Variants in ADGRG2 observed in about 807,000 individuals in gnomAD.
ADGRG2 encodes the protein adhesion G protein-coupled receptor G2, also known as G protein-coupled receptor 64.
ADGRG2 carries 26 observed loss-of-function variants against 74.1 expected under a neutral mutation model. The ratio of observed to expected loss-of-function variants is 0.35; its 90% CI spans 0.26 to 0.49. The LOEUF is 0.49. Ranked by LOEUF, ADGRG2 falls within the 20% of genes least tolerant of loss-of-function variation. The pLI is 0.99. For synonymous variants in ADGRG2, 296 were observed against 295.2 expected (o/e 1.00, Z -0.03); for missense variants, 619 against 763.1 (o/e 0.81, Z 2.22).
At chrX:19,107,270 C>A (rs143572435) in intron 1 of ADGRG2, among the ~76,000 whole-genome samples, 4,834 of 112,157 alleles carry the variant, frequency 0.043, 240 homozygotes, top group African/African-American at 0.15. Context: ...ATTTGAAAGG[C>A]ACTGCTGTGC....
rs2060872887 is a variant in ADGRG2 at position 19,033,606 on chromosome X, G to GTGA, written c.304+6_304+7insTCA. The GTGA allele has an allele frequency of 2.5e-6, 2 of 800,371 alleles. No individual in the cohort carries two copies. Among genetic ancestry groups the GTGA allele is most frequent in the Non-Finnish European group, 3.7e-6 (2 of 536,882 alleles). The allele number at this position is 800,371 out of a possible 1,213,427, so 66.0% of individuals were successfully genotyped here. ...AGGAAAGTCTTGATATTGATAATAA[G>GTGA]TCATACCTGATGCATTGAAGGTTTT... On this transcript the variant is annotated splice_region_variant and intron_variant, in intron 8 of 28. Transcript: ENST00000379869.
At chrX:19,090,538 A>G (rs1231584691) in intron 1 of ADGRG2, among the ~76,000 whole-genome samples, 1 of 112,247 alleles carries the variant, frequency 8.9e-6, no homozygotes, top group Admixed American at 9.5e-5. Context: ...CCATTTGTTT[A>G]CTATACAAAT....
rs146739824 is a variant in ADGRG2, at chrX:19,019,595, A to G, written c.710+4T>C. On this transcript the variant is annotated splice_donor_region_variant and intron_variant, in intron 15 of 28. Transcript: ENST00000379869. ...GGAGAAGGGTCAGCATGTTTGTTAC[A>G]TACCACTGAAGCTTTTCCAACTCTT... The G allele has an allele frequency of 9.1e-3, 9,473 of 1,035,383 alleles. 46 individuals carry two copies. The highest frequency in any genetic ancestry group is 0.026 in the Middle Eastern group (103 of 3,940). The allele number at this position is 1,035,383 out of a possible 1,213,427, so 85.3% of individuals were successfully genotyped here.
At chrX:19,080,736 C>T (rs2061831835) in intron 2 of ADGRG2, among the ~76,000 whole-genome samples, 1 of 110,054 alleles carries the variant, frequency 9.1e-6, no homozygotes, top group African/African-American at 3.3e-5. Context: ...TGCTCTGTCA[C>T]CCAGGCTGGA....
intron 15 of ADGRG2, among the ~76,000 whole-genome samples, chrX:19,016,722 A>AATTC (rs1167051356): frequency 5.3e-5 from 4 of 75,072 alleles, no homozygotes; most frequent in Admixed American, 4.1e-4. Context: ...TGTATTTTTA[A>AATTC]ATTCATTCAT....
chrX:19,064,683 C>T (rs1465018239), intron 3 of ADGRG2, among the ~76,000 whole-genome samples: 1 of 112,258 alleles, frequency 8.9e-6, no homozygotes, highest in Non-Finnish European at 1.9e-5. Context: ...TACCAAGCAA[C>T]TGAGCCTAGC....
At chrX:19,025,904 A>G (rs2060691600) in intron 11 of ADGRG2, among the ~76,000 whole-genome samples, 1 of 111,874 alleles carries the variant, frequency 8.9e-6, no homozygotes, top group African/African-American at 3.3e-5. Context: ...TCAAAAAAAA[A>G]AAATTATTCT....
At chrX:19,020,879 C>T (rs747559527) in intron 14 of ADGRG2, among the ~76,000 whole-genome samples, 2 of 110,209 alleles carry the variant, frequency 1.8e-5, no homozygotes, top group South Asian at 7.9e-4. Flanking sequence ...GGAGAATCAC[C>T]TGAATCCGGG....
intron 2 of ADGRG2, among the ~76,000 whole-genome samples, chrX:19,081,957 C>T (rs1303429712): frequency 9.3e-6 from 1 of 107,153 alleles, no homozygotes; most frequent in Admixed American, 1.0e-4. Context: ...CCTGTGGTCC[C>T]AGTTACTCAG....
chrX:19,117,543 G>A (rs58123706), intron 1 of ADGRG2, among the ~76,000 whole-genome samples: 14,798 of 110,095 alleles, frequency 0.13, 896 homozygotes, highest in African/African-American at 0.23. Flanking sequence ...ATTACCAGGC[G>A]CAGTGGCTCA....
chrX:19,118,103 T>C (rs1401369075), intron 1 of ADGRG2, among the ~76,000 whole-genome samples: 1 of 111,752 alleles, frequency 8.9e-6, no homozygotes, highest in African/African-American at 3.2e-5. Context: ...TAGTAGCAAC[T>C]ACTACTCAAC....
At chrX:19,080,399 A>G (rs1028338018) in intron 2 of ADGRG2, among the ~76,000 whole-genome samples, 1 of 111,030 alleles carries the variant, frequency 9.0e-6, no homozygotes, top group Non-Finnish European at 1.9e-5. Context: ...ACACACAATA[A>G]TGAGCAGAAT....
chrX:19,108,007 G>A (rs762666889), intron 1 of ADGRG2, among the ~76,000 whole-genome samples: 1 of 106,534 alleles, frequency 9.4e-6, no homozygotes, highest in African/African-American at 3.4e-5. Flanking sequence ...GGCTGAGGTA[G>A]GAGAATCGCT....
At chrX:19,027,686 A>G (rs899126889) in intron 10 of ADGRG2, among the ~76,000 whole-genome samples, 13 of 112,130 alleles carry the variant, frequency 1.2e-4, no homozygotes, top group African/African-American at 4.2e-4. Flanking sequence ...CCATTGCTGT[A>G]TTTCTAGCAA....
intron 1 of ADGRG2, among the ~76,000 whole-genome samples, chrX:19,094,813 G>C (rs1479776570): frequency 8.9e-6 from 1 of 112,843 alleles, no homozygotes; most frequent in Non-Finnish European, 1.9e-5. Flanking sequence ...GAGGGAGCCA[G>C]AACGGGAAGC....
chrX:19,074,685 T>A (rs1481146244), intron 2 of ADGRG2, among the ~76,000 whole-genome samples: 1 of 104,968 alleles, frequency 9.5e-6, no homozygotes, highest in African/African-American at 3.5e-5. Flanking sequence ...TTCTCCTGTC[T>A]CAGCCTCCTG....
intron 3 of ADGRG2, among the ~76,000 whole-genome samples, chrX:19,044,271 C>T (rs1213431000): frequency 9.0e-6 from 1 of 111,191 alleles, no homozygotes; most frequent in Non-Finnish European, 1.9e-5. Context: ...GTCTAGAAGC[C>T]CCCCACATTT....
chrX:19,082,634 A>G (rs1161740964), intron 2 of ADGRG2, 68 bp downstream of exon 2: 2 of 111,191 alleles, frequency 1.8e-5, no homozygotes, highest in Non-Finnish European at 3.8e-5. Context: ...AATAGGAAAG[A>G]AAAAAAAACC....
At chrX:19,121,603 C>T (rs977277136) in intron 1 of ADGRG2, among the ~76,000 whole-genome samples, 3 of 111,042 alleles carry the variant, frequency 2.7e-5, no homozygotes, top group Non-Finnish European at 5.7e-5. Flanking sequence ...AAGTGTGGTC[C>T]ATGGAACAGC....
Sources: allele counts gnomAD v4.1 joint callset (sites outside exome capture counted in the v4.1 genomes callset), GRCh38; gene constraint gnomAD v4.1.1; transcripts MANE v1.5; gene names NCBI Gene and HGNC (gene_info 2026-07-23, HGNC 2026-07-21).